Variants in MACROD2 observed in about 807,000 individuals in gnomAD.
The protein encoded by MACROD2 is ADP-ribose glycohydrolase MACROD2.
A neutral mutation model predicts 70.4 loss-of-function variants in MACROD2; 36 were observed. The observed-to-expected ratio is 0.51, with a 90% CI of 0.39 to 0.68. The LOEUF (loss-of-function observed/expected upper bound fraction) is 0.68. Ranked by LOEUF, MACROD2 falls within the 30% of genes least tolerant of loss-of-function variation. The pLI is 0.00. For synonymous variants in MACROD2, 172 were observed against 178.8 expected (o/e 0.96, Z 0.30); for missense variants, 496 against 538.4 (o/e 0.92, Z 0.78).
intron 6 of MACROD2, among the ~76,000 whole-genome samples, chr20:15,235,640 C>T (rs2077007336): frequency 6.6e-6 from 1 of 152,128 alleles, no homozygotes; most frequent in African/African-American, 2.4e-5. Flanking sequence ...ATACAAGTTC[C>T]CTTCTGAGAG....
intron 5 of MACROD2, among the ~76,000 whole-genome samples, chr20:14,976,354 A>G (rs1234390743): frequency 2.0e-5 from 3 of 152,078 alleles, no homozygotes; most frequent in African/African-American, 4.8e-5. Flanking sequence ...GGCTGCCTCT[A>G]TTCCTTAGTA....
chr20:14,532,204 C>T lies in MACROD2; in HGVS notation c.301+38696C>T, dbSNP rs143035941. On this transcript the variant is annotated intron_variant, in intron 4 of 17. Coordinates refer to ENST00000684519, the MANE Select transcript of MACROD2 (RefSeq NM_001351661.2). ...CTTCACATTTTGTGCACAAAACAAT[C>T]CTGTATAACTAATCTTTTTTTTTTT... Among the ~76,000 whole-genome samples, 1,436 of 151,208 alleles carry T rather than the reference C, an allele frequency of 9.5e-3. 31 individuals are homozygous for T. Among genetic ancestry groups the T allele is most frequent in the African/African-American group, 0.033 (1,369 of 40,946 alleles).
At chr20:15,213,404 C>T (rs1397150908) in intron 5 of MACROD2, among the ~76,000 whole-genome samples, 1 of 152,110 alleles carries the variant, frequency 6.6e-6, no homozygotes, top group Admixed American at 6.6e-5. Flanking sequence ...CATTAATGAA[C>T]TCCATTAGAA....
intron 4 of MACROD2, among the ~76,000 whole-genome samples, chr20:14,620,191 G>A (rs1983749638): frequency 6.6e-6 from 1 of 151,948 alleles, no homozygotes; most frequent in Non-Finnish European, 1.5e-5. Context: ...GTGTGCATAA[G>A]GATGATGTGC....
chr20:14,525,969 T>C (rs2085226119), intron 4 of MACROD2, among the ~76,000 whole-genome samples: 1 of 152,152 alleles, frequency 6.6e-6, no homozygotes, highest in Admixed American at 6.5e-5. Context: ...GAGGGGGAAA[T>C]ATTTGCCATA....
rs146974395 is a variant in MACROD2, at chr20:14,758,303, G to A, written c.418+73344G>A. On this transcript the variant is annotated intron_variant, in intron 5 of 17. Coordinates refer to ENST00000684519, the MANE Select transcript of MACROD2 (RefSeq NM_001351661.2). Reference sequence around the variant, plus strand: ...ATTTGTAATGTCATTATCCATTTTAGGATAATTTCAACATTTGTTTATTCT... The same window carrying A: ...ATTTGTAATGTCATTATCCATTTTAAGATAATTTCAACATTTGTTTATTCT... Among the ~76,000 whole-genome samples the A allele has an allele frequency of 3.9e-5, 6 of 151,994 alleles. No homozygotes were observed. The East Asian group carries it at 1.2e-3, about 29-fold the overall frequency.
intron 5 of MACROD2, among the ~76,000 whole-genome samples, chr20:14,969,004 G>GA (rs1168997975): frequency 1.3e-5 from 2 of 152,106 alleles, no homozygotes; most frequent in African/African-American, 4.8e-5. Flanking sequence ...TATGAACTGT[G>GA]AGATGACTTT....
intron 3 of MACROD2, among the ~76,000 whole-genome samples, chr20:14,370,205 A>G (rs1004441340): frequency 1.3e-5 from 2 of 151,394 alleles, no homozygotes; most frequent in Admixed American, 6.5e-5. Context: ...ATAAAATATT[A>G]ATGTATGAGT....
At chr20:15,722,835 T>C (rs1169086690) in intron 8 of MACROD2, among the ~76,000 whole-genome samples, 1 of 152,194 alleles carries the variant, frequency 6.6e-6, no homozygotes, top group Non-Finnish European at 1.5e-5. Flanking sequence ...TTTTGTATTA[T>C]TTCTCTAAAA....
intron 8 of MACROD2, among the ~76,000 whole-genome samples, chr20:15,843,983 A>T (rs536554167): frequency 6.6e-6 from 1 of 151,998 alleles, no homozygotes; most frequent in Admixed American, 6.6e-5. Context: ...CCTTATATGG[A>T]TAATCTCAAT....
chr20:15,135,193 A>C (rs2079173047), intron 5 of MACROD2, among the ~76,000 whole-genome samples: 1 of 151,030 alleles, frequency 6.6e-6, no homozygotes, highest in Non-Finnish European at 1.5e-5. Context: ...AAAAAGAGGG[A>C]ATCCTCCCTA....
intron 8 of MACROD2, among the ~76,000 whole-genome samples, chr20:15,567,000 C>CT (rs907872792): frequency 6.6e-6 from 1 of 151,354 alleles, no homozygotes; most frequent in African/African-American, 2.4e-5. Context: ...AAAGCCAGAT[C>CT]TTTTTTTTAA....
At chr20:14,782,077 C>G (rs1005099759) in intron 5 of MACROD2, among the ~76,000 whole-genome samples, 9 of 152,008 alleles carry the variant, frequency 5.9e-5, no homozygotes, top group African/African-American at 7.2e-5. Context: ...TCATGTGCCA[C>G]CACGCCCAGA....
At chr20:14,194,044 T>A (rs2081410320) in intron 3 of MACROD2, among the ~76,000 whole-genome samples, 1 of 151,964 alleles carries the variant, frequency 6.6e-6, no homozygotes, top group Non-Finnish European at 1.5e-5. Context: ...GTTAAAGGGG[T>A]TCTGAGCTCC....
intron 4 of MACROD2, among the ~76,000 whole-genome samples, chr20:14,496,793 G>C (rs2084858078): frequency 6.6e-6 from 1 of 151,696 alleles, no homozygotes; most frequent in Non-Finnish European, 1.5e-5. Flanking sequence ...TATATAGCTG[G>C]TCTATAGTGA....
chr20:15,039,479 T>G (rs1230890813), intron 5 of MACROD2, among the ~76,000 whole-genome samples: 1 of 152,152 alleles, frequency 6.6e-6, no homozygotes, highest in Non-Finnish European at 1.5e-5. Flanking sequence ...AAAGGAAGGT[T>G]GGAGAGACCT....
chr20:14,545,947 G>A (rs1270221306), intron 4 of MACROD2, among the ~76,000 whole-genome samples: 1 of 152,166 alleles, frequency 6.6e-6, no homozygotes, highest in African/African-American at 2.4e-5. Context: ...AGATGGGATT[G>A]CATTGACTGG....
At chr20:14,347,418 G>T (rs16994501) in intron 3 of MACROD2, among the ~76,000 whole-genome samples, 11,039 of 152,128 alleles carry the variant, frequency 0.073, 654 homozygotes, top group African/African-American at 0.17. Context: ...TAATAATATC[G>T]ATGTAATGAG....
chr20:14,014,088 C>G (rs1250290424), intron 2 of MACROD2, among the ~76,000 whole-genome samples: 1 of 152,072 alleles, frequency 6.6e-6, no homozygotes, highest in Non-Finnish European at 1.5e-5. Context: ...TACTAGTTTT[C>G]TTTTTAACAT....
Sources: allele counts gnomAD v4.1 joint callset (sites outside exome capture counted in the v4.1 genomes callset), GRCh38; gene constraint gnomAD v4.1.1; transcripts MANE v1.5; gene names NCBI Gene and HGNC (gene_info 2026-07-23, HGNC 2026-07-21).